COL19A1: variants seen among roughly 807,000 people sequenced by gnomAD.
COL19A1 encodes collagen type XIX alpha 1 chain.
In COL19A1, 159 loss-of-function variants were observed where a neutral mutation model predicts 190.2. The ratio of observed to expected loss-of-function variants is 0.84; its 90% confidence interval spans 0.73 to 0.95. The LOEUF is 0.95. Ranked by LOEUF, COL19A1 falls within the 40% of genes least tolerant of loss-of-function variation. The probability of loss-of-function intolerance (pLI) is 0.00; values close to 1 mark genes in which losing one functional copy is unlikely to be tolerated. For synonymous variants in COL19A1, 509 were observed against 458.9 expected (o/e 1.11, Z -1.39); for missense variants, 1,418 against 1,431.9 (o/e 0.99, Z 0.16).
intron 18 of COL19A1, among the ~76,000 whole-genome samples, chr6:70,130,520 C>T (rs977503620): frequency 6.6e-6 from 1 of 152,222 alleles, no homozygotes; most frequent in African/African-American, 2.4e-5. Context: ...GCCACTGCAC[C>T]CGGCAGTAAT....
intron 14 of COL19A1, among the ~76,000 whole-genome samples, chr6:70,064,359 C>A (rs1781041144): frequency 1.3e-5 from 2 of 152,138 alleles, no homozygotes; most frequent in South Asian, 2.1e-4. Context: ...AAGACAAAAA[C>A]CACATGATTA....
chr6:70,150,037 G>A lies in COL19A1; in HGVS notation c.2029G>A (p.Gly677Ser). ...DGKPGLPGPP[G>S]DPIALPLLGD... ...AAAGCCAGGCCTGCCAGGCCCCCCA[G>A]GTGACCCGGTATGTAGACAAACCTT... is the stretch of plus-strand genomic sequence containing the variant. The change falls in exon 30 of 51, where the codon GGT (glycine) becomes AGT (serine). Residue 677 changes from glycine to serine, a missense_variant. By Grantham distance (56) the Gly-to-Ser change is moderately conservative. Transcript: ENST00000620364. 1 of 1,613,710 alleles carries A rather than the reference G, an allele frequency of 6.2e-7. No homozygotes were observed. Among genetic ancestry groups the A allele is most frequent in the Non-Finnish European group, 8.5e-7 (1 of 1,179,800 alleles).
chr6:70,026,053 C>G lies in COL19A1; in HGVS notation c.1080+2373C>G, dbSNP rs148614629. On this transcript the variant is annotated intron_variant, in intron 12 of 50. Coordinates refer to ENST00000620364, the MANE Select transcript of COL19A1 (RefSeq NM_001858.6). Reference sequence around the variant, plus strand: ...ATGTGGGCTCTCTGAGATAGAGGAGCAAAACAGAGTGTATTACAAGTGCAT... The same window carrying G: ...ATGTGGGCTCTCTGAGATAGAGGAGGAAAACAGAGTGTATTACAAGTGCAT... Among the ~76,000 whole-genome samples the G allele has an allele frequency of 2.7e-3, 415 of 151,958 alleles. 3 individuals carry two copies. The highest frequency in any genetic ancestry group is 9.3e-3 in the African/African-American group (386 of 41,426).
chr6:70,075,478 G>A (rs936075690), intron 15 of COL19A1, among the ~76,000 whole-genome samples: 3 of 152,232 alleles, frequency 2.0e-5, no homozygotes, highest in African/African-American at 7.2e-5. Flanking sequence ...CTTCAAGGGC[G>A]TAGTTGTGCA....
At chr6:70,156,494 GGA>G (rs151040381) in intron 33 of COL19A1, 125 bp downstream of exon 33, 28,502 of 671,042 alleles carry the variant, frequency 0.042, no homozygotes, top group South Asian at 0.074. Context: ...GTATGTATAT[GGA>G]GAGAGAGAGA....
In COL19A1 at chr6:70,130,194, C is replaced by T. The variant is rs768413357; in HGVS notation, c.1354C>T (p.His452Tyr). The change falls in exon 18 of 51, where the codon CAT (histidine) becomes TAT (tyrosine). Residue 452 changes from histidine to tyrosine, a missense_variant. Physicochemically the swap from His to Tyr is moderately conservative, Grantham distance 83. Coordinates refer to ENST00000620364, the MANE Select transcript of COL19A1 (RefSeq NM_001858.6). ...TTTTCACCCCTAGGGAAATGATGAA[C>T]ATGAAGCTGGAGGCCTGAAAGGAGA... is the stretch of plus-strand genomic sequence containing the variant. ...YNKDNKGNDE[H>Y]EAGGLKGDKG... The T allele has an allele frequency of 6.2e-7, 1 of 1,611,802 alleles. No homozygotes were observed. The highest frequency in any genetic ancestry group is 8.5e-7 in the Non-Finnish European group (1 of 1,179,318).
chr6:70,197,374 G>C (rs556899576), intron 48 of COL19A1, among the ~76,000 whole-genome samples: 2 of 151,972 alleles, frequency 1.3e-5, no homozygotes, highest in African/African-American at 4.8e-5. Context: ...AGTGAGCTGA[G>C]ATCACGCCAC....
At position 70,156,230 on chromosome 6, in the gene COL19A1, A is replaced by C. The variant is rs1211731037; in HGVS notation, c.2183A>C (p.Lys728Thr). ...GGAAAGTATGATTCCATGGCCCGGA[A>C]GGTGAGAAGCCTGGCTGAATGTTTA... ...EPGKYDSMAR[K>T]GDIGPRGPPG... The change falls in exon 32 of 51, where the codon AAG (lysine) becomes ACG (threonine). Residue 728 changes from lysine to threonine, a missense_variant and splice_region_variant. Coordinates refer to ENST00000620364, the MANE Select transcript of COL19A1 (RefSeq NM_001858.6). 1.6e-5 allele frequency: 26 copies of C among 1,613,190 alleles called. No homozygotes were observed. The highest frequency in any genetic ancestry group is 2.1e-5 in the Non-Finnish European group (25 of 1,179,574).
At chr6:69,949,672 C>T (rs1398021682) in intron 9 of COL19A1, among the ~76,000 whole-genome samples, 1 of 151,784 alleles carries the variant, frequency 6.6e-6, no homozygotes, top group Non-Finnish European at 1.5e-5. Context: ...ATGTGTGTCA[C>T]CTCAGGGCTT....
At chr6:70,114,660 G>C (rs1582945622) in intron 16 of COL19A1, among the ~76,000 whole-genome samples, 1 of 152,022 alleles carries the variant, frequency 6.6e-6, no homozygotes, top group African/African-American at 2.4e-5. Flanking sequence ...CAAAAGGGTT[G>C]ATATTTTTTC....
intron 18 of COL19A1, among the ~76,000 whole-genome samples, chr6:70,134,907 A>G (rs1441182716): frequency 6.6e-6 from 1 of 152,170 alleles, no homozygotes; most frequent in East Asian, 1.9e-4. Context: ...AACAGATCCC[A>G]CAGATTGAGG....
chr6:70,102,125 A>G, intron 15 of COL19A1, 44 bp from the exon 16 acceptor site: 1 of 1,411,376 alleles, frequency 7.1e-7, no homozygotes, highest in Non-Finnish European at 1.0e-6. Flanking sequence ...ATTAAAATAT[A>G]ATGGAGTCAC....
chr6:70,203,352 T>G (rs1160011497), intron 49 of COL19A1, among the ~76,000 whole-genome samples: 2 of 152,232 alleles, frequency 1.3e-5, no homozygotes, highest in African/African-American at 2.4e-5. Flanking sequence ...TTCTTACTTG[T>G]GCACTTTTAA....
In COL19A1 at chr6:70,208,585, A is replaced by C. The variant is rs907029245; in HGVS notation, c.*1311A>C. ...GATTGGCAGGCACTGATTCTCTAGA[A>C]CACTGGGCATGAGGATGTTGCAGAA... On this transcript the variant is annotated 3_prime_UTR_variant, in exon 51 of 51. Coordinates refer to ENST00000620364, the MANE Select transcript of COL19A1 (RefSeq NM_001858.6). The C allele has an allele frequency of 6.6e-6, 1 of 152,534 alleles. No individual in the cohort carries two copies. Among genetic ancestry groups the C allele is most frequent in the African/African-American group, 2.4e-5 (1 of 41,456 alleles). The allele number at this position is 152,534 out of a possible 1,614,324, so 9.4% of individuals were successfully genotyped here.
chr6:70,101,472 A>C (rs574430107), intron 15 of COL19A1, among the ~76,000 whole-genome samples: 2 of 152,312 alleles, frequency 1.3e-5, no homozygotes, highest in African/African-American at 4.8e-5. Context: ...GGGAGAGTTA[A>C]TATTTGGTTG....
intron 5 of COL19A1, 100 bp downstream of exon 5, chr6:69,928,132 C>A: frequency 1.4e-6 from 2 of 1,465,162 alleles, no homozygotes; most frequent in Non-Finnish European, 9.3e-7. Context: ...GATCTAGTAT[C>A]CAAATGTTCT....
At chr6:70,055,223 A>C (rs1780424728) in intron 14 of COL19A1, among the ~76,000 whole-genome samples, 1 of 152,204 alleles carries the variant, frequency 6.6e-6, no homozygotes, top group Non-Finnish European at 1.5e-5. Flanking sequence ...TTGATAGTAC[A>C]CTATGTTAGC....
intron 4 of COL19A1, among the ~76,000 whole-genome samples, chr6:69,920,829 T>C (rs80237235): frequency 6.7e-6 from 1 of 149,748 alleles, no homozygotes; most frequent in Non-Finnish European, 1.5e-5. Flanking sequence ...ATTTATGACA[T>C]TGAACTACAT....
chr6:69,963,230 T>G (rs1205407735), intron 11 of COL19A1, among the ~76,000 whole-genome samples: 1 of 152,204 alleles, frequency 6.6e-6, no homozygotes, highest in Non-Finnish European at 1.5e-5. Flanking sequence ...GGTTTATCAG[T>G]GGAATTTTTT....
Sources: gnomAD v4.1 joint callset for allele counts (sites outside exome capture counted in the v4.1 genomes callset) on GRCh38, gnomAD v4.1.1 for gene constraint, MANE v1.5 for transcripts, NCBI Gene and HGNC (gene_info 2026-07-23, HGNC 2026-07-21) for gene names.